The following LDHAL6B variants were observed in gnomAD, a reference collection of about 807,000 sequenced individuals.
The protein encoded by LDHAL6B is lactate dehydrogenase A like 6B, also known as L-lactate dehydrogenase A-like 6B.
For missense variants in LDHAL6B, 523 were observed against 473.9 expected, an observed-to-expected ratio of 1.10 and a Z score of -0.96; for synonymous variants, 205 against 170.6, an observed-to-expected ratio of 1.20 and a Z score of -1.57.
In LDHAL6B at chr15:59,208,291, G is replaced by A; in HGVS notation, c.*205G>A. 1 of 582,830 alleles carries A rather than the reference G, an allele frequency of 1.7e-6. No individual in the cohort carries two copies. Among genetic ancestry groups the A allele is most frequent in the East Asian group, 3.1e-5 (1 of 32,556 alleles). 36.1% of individuals were successfully genotyped at this position (582,830 alleles called of 1,614,324 possible). ...TATTTACAATTCCTAAGTATTTTTGGTACCTCTGATGTAGCAGCACTTGCC... is the reference window on the plus strand; with the variant it reads ...TATTTACAATTCCTAAGTATTTTTGATACCTCTGATGTAGCAGCACTTGCC... On this transcript the variant is annotated 3_prime_UTR_variant, in exon 1 of 1. Transcript: ENST00000307144.
chr15:59,207,019 GCC>G, the LDHAL6B span: 1 of 1,614,094 alleles, frequency 6.2e-7, no homozygotes, highest in Admixed American at 1.7e-5. Context: ...CCTGGGGATG[GCC>G]CTGTGTCCGC....
Position 59,207,888 on chromosome 15 carries a change from TAGG to T in LDHAL6B, c.951_953del (p.Arg318del). ...TAACAGAAAGTATTTTGAAGAATCT[TAGG>T]AGAATACATCCAGTTTCCACCATAA... On this transcript the variant is annotated inframe_deletion, in exon 1 of 1. Coordinates refer to ENST00000307144, the MANE Select transcript of LDHAL6B (RefSeq NM_033195.3). The T allele has an allele frequency of 6.2e-7, 1 of 1,614,196 alleles. No homozygotes were observed. The highest frequency in any genetic ancestry group is 8.5e-7 in the Non-Finnish European group (1 of 1,180,018).
In LDHAL6B at chr15:59,206,992, G is replaced by A; in HGVS notation, c.52G>A (p.Gly18Arg). ...VRASQRVSSV[G>R]ANFLCLGMAL... The stretch of plus-strand genomic sequence containing the variant: ...GGCCAGCCAGAGAGTGAGCTCGGTG[G>A]GAGCGAATTTCCTATGCCTGGGGAT... The change falls in exon 1 of 1, where the codon GGA becomes AGA. Residue 18 changes from glycine to arginine, a missense_variant. Physicochemically the swap from Gly to Arg is moderately radical, Grantham distance 125 (BLOSUM62 -2). Transcript: ENST00000307144. 6 of 1,614,152 alleles carry A rather than the reference G, an allele frequency of 3.7e-6. No individual in the cohort carries two copies. The highest frequency in any genetic ancestry group is 5.1e-6 in the Non-Finnish European group (6 of 1,180,012).
chr15:59,206,922 A>G lies in LDHAL6B; in HGVS notation c.-19A>G, dbSNP rs777541324. 1.9e-6 allele frequency: 3 copies of G among 1,599,912 alleles called. No homozygotes were observed. Among genetic ancestry groups the G allele is most frequent in the Non-Finnish European group, 2.6e-6 (3 of 1,171,906 alleles). On this transcript the variant is annotated 5_prime_UTR_variant, in exon 1 of 1. Coordinates refer to ENST00000307144, the MANE Select transcript of LDHAL6B (RefSeq NM_033195.3). Reference sequence around the variant, plus strand: ...CAGCTTTTTTCCATTCTCTCTCTCCACTTCTTCAGTGAGCAGCCATGAGTT... The same window carrying G: ...CAGCTTTTTTCCATTCTCTCTCTCCGCTTCTTCAGTGAGCAGCCATGAGTT...
At chr15:59,208,060 GA>G in the LDHAL6B span, 2 of 1,584,156 alleles carry the variant, frequency 1.3e-6, no homozygotes, top group African/African-American at 2.7e-5. Flanking sequence ...AACACTCTGG[GA>G]AATTCAGAAT....
chr15:59,207,456 T>C lies in LDHAL6B; in HGVS notation c.516T>C (p.Ser172=), dbSNP rs1318172428. ...CCATCTTCAAGTTAATGATTTCCAG[T>C]ATTGTCCAGTACAGCCCCCACTGCA... ...NVAIFKLMIS[S]IVQYSPHCKL... is the part of the protein sequence containing the mutation. The change falls in exon 1 of 1, where the codon AGT becomes AGC. Residue 172 remains serine, a synonymous_variant. Coordinates refer to ENST00000307144, the MANE Select transcript of LDHAL6B (RefSeq NM_033195.3). The C allele has an allele frequency of 6.2e-7, 1 of 1,614,032 alleles. No homozygotes were observed. Among genetic ancestry groups the C allele is most frequent in the East Asian group, 2.2e-5 (1 of 44,886 alleles).
Position 59,206,958 on chromosome 15 carries a change from T to G in LDHAL6B, c.18T>G (p.Pro6=). The change falls in exon 1 of 1, where the codon CCT becomes CCG. Residue 6 remains proline (P), a synonymous_variant. Transcript: ENST00000307144. ...GAGCAGCCATGAGTTGGACTGTGCC[T>G]GTTGTGCGGGCCAGCCAGAGAGTGA... MSWTV[P]VVRASQRVSS... is the part of the protein sequence containing the mutation. 1 of 1,613,768 alleles carries G rather than the reference T, an allele frequency of 6.2e-7. No homozygotes were observed. Among genetic ancestry groups the G allele is most frequent in the Non-Finnish European group, 8.5e-7 (1 of 1,179,798 alleles).
Position 59,206,963 on chromosome 15 carries a change from T to G in LDHAL6B, c.23T>G (p.Val8Gly), listed in dbSNP as rs1211275518. 1.8e-5 allele frequency: 29 copies of G among 1,613,776 alleles called. No individual in the cohort carries two copies. In the East Asian group the frequency reaches 5.6e-4, roughly 31 times the overall value. The change falls in exon 1 of 1, where the codon GTG (valine) becomes GGG (glycine). Residue 8 changes from valine to glycine, a missense_variant. Transcript: ENST00000307144. ...GCCATGAGTTGGACTGTGCCTGTTGTGCGGGCCAGCCAGAGAGTGAGCTCG... is the reference window on the plus strand; with the variant it reads ...GCCATGAGTTGGACTGTGCCTGTTGGGCGGGCCAGCCAGAGAGTGAGCTCG... MSWTVPVVRASQRVSSVG... is the reference protein window; with the variant it reads MSWTVPVGRASQRVSSVG...
rs2079848461 is a variant in LDHAL6B, at chr15:59,207,741, A to T, written c.801A>T (p.Ile267=). ...GVPLKDLNSD[I]GTDKDPEQWK... is the part of the protein sequence containing the mutation. Reference sequence around the variant, plus strand: ...CTTTGAAGGATCTGAACTCTGATATAGGAACTGATAAAGATCCTGAGCAAT... The same window carrying T: ...CTTTGAAGGATCTGAACTCTGATATTGGAACTGATAAAGATCCTGAGCAAT... The change falls in exon 1 of 1, where the codon ATA becomes ATT. Residue 267 remains isoleucine, a synonymous_variant. Coordinates refer to ENST00000307144, the MANE Select transcript of LDHAL6B (RefSeq NM_033195.3). 2 of 1,614,110 alleles carry T rather than the reference A, an allele frequency of 1.2e-6. No homozygotes were observed. The highest frequency in any genetic ancestry group is 1.7e-5 in the Admixed American group (1 of 60,006).
At position 59,208,444 on chromosome 15, in the gene LDHAL6B, A is replaced by G; in HGVS notation, c.*358A>G. ...CTTTCATTCTTGCTGGTTTATACCT[A>G]TGTTCATTTATATGCTGTAAAAAAG... On this transcript the variant is annotated 3_prime_UTR_variant, in exon 1 of 1. Transcript: ENST00000307144. The G allele has an allele frequency of 1.6e-6, 1 of 606,348 alleles. No individual in the cohort carries two copies. Among genetic ancestry groups the G allele is most frequent in the South Asian group, 2.0e-5 (1 of 48,908 alleles). 37.6% of individuals were successfully genotyped at this position (606,348 alleles called of 1,614,324 possible). A position where few individuals can be genotyped will look rare whatever the true frequency, so the allele number is the denominator to read the frequency against.
In LDHAL6B at chr15:59,206,889, C is replaced by A; in HGVS notation, c.-52C>A. On this transcript the variant is annotated 5_prime_UTR_variant, in exon 1 of 1. Transcript: ENST00000307144. Reference sequence around the variant, plus strand: ...ACGGCTCTCTTGGCGTCTCAACGTTCGGATCAGCAGCTTTTTTCCATTCTC... The same window carrying A: ...ACGGCTCTCTTGGCGTCTCAACGTTAGGATCAGCAGCTTTTTTCCATTCTC... 6.4e-7 allele frequency: 1 copy of A among 1,553,336 alleles called. No homozygotes were observed.
In LDHAL6B at chr15:59,207,821, A is replaced by G. The variant is rs1199169329; in HGVS notation, c.881A>G (p.Lys294Arg). Reference protein sequence around the residue: ...TATAYEIIKMKGYTSWAIGLS... With the variant: ...TATAYEIIKMRGYTSWAIGLS... ...ACTGCCTATGAGATTATTAAAATGAAAGGTTATACTTCTTGGGCCATTGGC... is the reference window on the plus strand; with the variant it reads ...ACTGCCTATGAGATTATTAAAATGAGAGGTTATACTTCTTGGGCCATTGGC... Residue 294 changes from lysine to arginine, a missense_variant, in exon 1 of 1, where the codon AAA becomes AGA. Coordinates refer to ENST00000307144, the MANE Select transcript of LDHAL6B (RefSeq NM_033195.3). 1.2e-6 allele frequency: 2 copies of G among 1,614,208 alleles called. No individual in the cohort carries two copies. Among genetic ancestry groups the G allele is most frequent in the Non-Finnish European group, 1.7e-6 (2 of 1,180,032 alleles).
chr15:59,207,338 T>C lies in LDHAL6B; in HGVS notation c.398T>C (p.Phe133Ser), dbSNP rs1449858049. ...AATATTGTTTGTAGCAAAGATTACT[T>C]TGTCACAGCAAACTCCAACCTAGTG... The part of the protein sequence containing the change: ...MPNIVCSKDY[F>S]VTANSNLVII... Residue 133 changes from phenylalanine (F) to serine (S), a missense_variant, in exon 1 of 1, where the codon TTT (phenylalanine) becomes TCT (serine). Transcript: ENST00000307144. 2 of 1,614,082 alleles carry C rather than the reference T, an allele frequency of 1.2e-6. No individual in the cohort carries two copies. The highest frequency in any genetic ancestry group is 2.2e-5 in the East Asian group (1 of 44,888).
rs1386681716 is a variant in LDHAL6B, at chr15:59,206,846, G to A, written c.-95G>A. 6.9e-5 allele frequency: 91 copies of A among 1,309,740 alleles called. No homozygotes were observed. The highest frequency in any genetic ancestry group is 8.7e-5 in the Non-Finnish European group (83 of 958,610). 81.1% of individuals were successfully genotyped at this position (1,309,740 alleles called of 1,614,324 possible). A position where few individuals can be genotyped will look rare whatever the true frequency, so the allele number is the denominator to read the frequency against. ...GCGGGGCACGCGCACCTGCCGTAGAGTGCTGAAGGTCCTGCCAACGGCTCT... is the reference window on the plus strand; with the variant it reads ...GCGGGGCACGCGCACCTGCCGTAGAATGCTGAAGGTCCTGCCAACGGCTCT... On this transcript the variant is annotated 5_prime_UTR_variant, in exon 1 of 1. It adds an upstream start codon to the 5' untranslated region. Coordinates refer to ENST00000307144, the MANE Select transcript of LDHAL6B (RefSeq NM_033195.3).
chr15:59,208,294 C>A lies in LDHAL6B; in HGVS notation c.*208C>A. 1 of 577,560 alleles carries A rather than the reference C, an allele frequency of 1.7e-6. No individual in the cohort carries two copies. Among genetic ancestry groups the A allele is most frequent in the Non-Finnish European group, 3.0e-6 (1 of 329,378 alleles). The allele number at this position is 577,560 out of a possible 1,614,324, so 35.8% of individuals were successfully genotyped here. A position where few individuals can be genotyped will look rare whatever the true frequency, so the allele number is the denominator to read the frequency against. On this transcript the variant is annotated 3_prime_UTR_variant, in exon 1 of 1. Coordinates refer to ENST00000307144, the MANE Select transcript of LDHAL6B (RefSeq NM_033195.3). ...TTACAATTCCTAAGTATTTTTGGTA[C>A]CTCTGATGTAGCAGCACTTGCCATG...
At position 59,207,146 on chromosome 15, in the gene LDHAL6B, A is replaced by C. The variant is rs2140337481; in HGVS notation, c.206A>C (p.His69Pro). Residue 69 changes from histidine to proline, a missense_variant, in exon 1 of 1, where the codon CAC (histidine) becomes CCC (proline). By Grantham distance (77) the His-to-Pro change is moderately conservative (BLOSUM62 -2). Transcript: ENST00000307144. ...TTCACTTCCGAGAAGCCCGTTCATC[A>C]CAGTAAGGTCTCCATCATAGGAACT... ...ERFTSEKPVH[H>P]SKVSIIGTGS... The C allele has an allele frequency of 6.2e-7, 1 of 1,614,214 alleles. No individual in the cohort carries two copies. Among genetic ancestry groups the C allele is most frequent in the East Asian group, 2.2e-5 (1 of 44,888 alleles).
rs751468665 is a variant in LDHAL6B at position 59,207,057 on chromosome 15, C to T, written c.117C>T (p.Asn39=). ...CPRQATRIPL[N]GTWLFTPVSK... is the part of the protein sequence containing the mutation. ...GTCAAGCAACGCGCATCCCGCTCAA[C>T]GGCACCTGGCTCTTCACCCCCGTGA... Residue 39 remains asparagine, a synonymous_variant, in exon 1 of 1, where the codon AAC becomes AAT. Coordinates refer to ENST00000307144, the MANE Select transcript of LDHAL6B (RefSeq NM_033195.3). 6.2e-6 allele frequency: 10 copies of T among 1,614,088 alleles called. No homozygotes were observed. The highest frequency in any genetic ancestry group is 1.3e-5 in the African/African-American group (1 of 74,946).
chr15:59,207,329 A>G lies in LDHAL6B; in HGVS notation c.389A>G (p.Lys130Arg), dbSNP rs1333603085. 6.2e-7 allele frequency: 1 copy of G among 1,614,102 alleles called. No individual in the cohort carries two copies. The highest frequency in any genetic ancestry group is 8.5e-7 in the Non-Finnish European group (1 of 1,179,952). The change falls in exon 1 of 1, where the codon AAA (lysine) becomes AGA (arginine). Residue 130 changes from lysine (K) to arginine (R), a missense_variant. By Grantham distance (26) the Lys-to-Arg change is conservative. Coordinates refer to ENST00000307144, the MANE Select transcript of LDHAL6B (RefSeq NM_033195.3). ...FTKMPNIVCSKDYFVTANSNL... is the reference protein window; with the variant it reads ...FTKMPNIVCSRDYFVTANSNL... Reference sequence around the variant, plus strand: ...AAAATGCCAAATATTGTTTGTAGCAAAGATTACTTTGTCACAGCAAACTCC... The same window carrying G: ...AAAATGCCAAATATTGTTTGTAGCAGAGATTACTTTGTCACAGCAAACTCC...
chr15:59,206,995 G>A lies in LDHAL6B; in HGVS notation c.55G>A (p.Ala19Thr). Residue 19 changes from alanine to threonine, a missense_variant, in exon 1 of 1, where the codon GCG becomes ACG. Ala to Thr is a moderately conservative substitution (Grantham distance 58, BLOSUM62 0). Transcript: ENST00000307144. ...CAGCCAGAGAGTGAGCTCGGTGGGAGCGAATTTCCTATGCCTGGGGATGGC... is the reference window on the plus strand; with the variant it reads ...CAGCCAGAGAGTGAGCTCGGTGGGAACGAATTTCCTATGCCTGGGGATGGC... ...RASQRVSSVGANFLCLGMALC... is the reference protein window; with the variant it reads ...RASQRVSSVGTNFLCLGMALC... 6.2e-7 allele frequency: 1 copy of A among 1,614,212 alleles called. No individual in the cohort carries two copies. Among genetic ancestry groups the A allele is most frequent in the Non-Finnish European group, 8.5e-7 (1 of 1,180,028 alleles).
Sources: gnomAD v4.1 joint callset for allele counts on GRCh38, gnomAD v4.1.1 for gene constraint, MANE v1.5 for transcripts, NCBI Gene and HGNC (gene_info 2026-07-23, HGNC 2026-07-21) for gene names.